The following DCLRE1C variants were observed in gnomAD, a reference collection of about 807,000 sequenced individuals.
The protein encoded by DCLRE1C is protein artemis.
A neutral mutation model predicts 61.4 loss-of-function variants in DCLRE1C; 47 were observed. That is an observed-to-expected ratio of 0.77 (90% CI 0.61 to 0.98). The LOEUF (loss-of-function observed/expected upper bound fraction) is 0.98, where lower values mean the gene tolerates loss of function less well. Ranked by LOEUF, DCLRE1C falls within the 50% of genes least tolerant of loss-of-function variation. The pLI is 0.00. For missense variants in DCLRE1C, 858 were observed against 816.0 expected (o/e 1.05, Z -0.63); for synonymous variants, 337 against 287.6 (o/e 1.17, Z -1.74).
intron 1 of DCLRE1C, among the ~76,000 whole-genome samples, chr10:14,953,633 CAGCAA>C (rs1468684705): frequency 2.6e-5 from 4 of 152,186 alleles, no homozygotes; most frequent in African/African-American, 9.6e-5. Context: ...CATCGGCCAC[CAGCAA>C]AGCTACCAAG....
rs757145020 is a variant in DCLRE1C at position 14,945,162 on chromosome 10, A to G, written c.189T>C (p.Pro63=). The part of the protein sequence containing the change: ...CSLKVYLYCS[P]VTKELLLTSP... ...TCGTTAACAACAACTCCTTAGTCAC[A>G]GGTGAACAGTATAGATAAACCTTCA... The change falls in exon 3 of 14, where the codon CCT becomes CCC. Residue 63 remains proline (P), a synonymous_variant. Coordinates refer to ENST00000378278, the MANE Select transcript of DCLRE1C (RefSeq NM_001033855.3). 5.0e-6 allele frequency: 8 copies of G among 1,613,152 alleles called. No individual in the cohort carries two copies. In the South Asian group the frequency reaches 6.6e-5, roughly 13 times the overall value.
chr10:14,949,927 C>A (rs2131180342), intron 1 of DCLRE1C, among the ~76,000 whole-genome samples: 1 of 152,258 alleles, frequency 6.6e-6, no homozygotes, highest in Non-Finnish European at 1.5e-5. Context: ...CCCCTATAAT[C>A]CCAGCTACTC....
intron 4 of DCLRE1C, among the ~76,000 whole-genome samples, 166 bp downstream of exon 4, chr10:14,939,644 A>G (rs950671930): frequency 1.3e-5 from 2 of 152,148 alleles, no homozygotes; most frequent in Non-Finnish European, 2.9e-5. Context: ...AACCCCACTC[A>G]ATGACTAGAT....
intron 12 of DCLRE1C, among the ~76,000 whole-genome samples, chr10:14,921,288 C>T (rs936177520): frequency 2.6e-5 from 4 of 152,004 alleles, no homozygotes; most frequent in African/African-American, 9.7e-5. Flanking sequence ...CCACTGCACT[C>T]CAACCTGGGT....
intron 1 of DCLRE1C, among the ~76,000 whole-genome samples, chr10:14,953,448 A>T (rs1842747124): frequency 6.6e-6 from 1 of 152,138 alleles, no homozygotes; most frequent in African/African-American, 2.4e-5. Flanking sequence ...CCAAAGGCCA[A>T]GGAGCTTGCA....
Position 14,909,268 on chromosome 10 carries a change from A to T in DCLRE1C, c.1219T>A (p.Tyr407Asn). The change falls in exon 14 of 14, where the codon TAC becomes AAC. Residue 407 changes from tyrosine to asparagine, a missense_variant. Physicochemically the swap from Tyr to Asn is moderately radical, Grantham distance 143. Coordinates refer to ENST00000378278, the MANE Select transcript of DCLRE1C (RefSeq NM_001033855.3). The part of the protein sequence containing the change: ...LPIPLRHKVP[Y>N]PETFHPEVFS... ...ACCTCAGGGTGAAAAGTTTCCGGGT[A>T]TGGAACTTTGTGCCTTAAAGGTATT... 2 of 1,613,878 alleles carry T rather than the reference A, an allele frequency of 1.2e-6. No homozygotes were observed. The highest frequency in any genetic ancestry group is 1.7e-6 in the Non-Finnish European group (2 of 1,179,966).
chr10:14,934,604 C>T, intron 7 of DCLRE1C, 84 bp from the exon 8 acceptor site: 1 of 1,613,394 alleles, frequency 6.2e-7, no homozygotes, highest in Non-Finnish European at 8.5e-7. Context: ...GTACTCACAC[C>T]TACGGGGACA....
In DCLRE1C at chr10:14,934,352, A is replaced by T. The variant is rs377106603; in HGVS notation, c.678+28T>A. On this transcript the variant is annotated intron_variant, in intron 8 of 13. Transcript: ENST00000378278. Reference sequence around the variant, plus strand: ...CAAAAAAAAAAAAAAAAGAAAAAAGAAAAGAAAAGAATGAACAGTCACCAT... The same window carrying T: ...CAAAAAAAAAAAAAAAAGAAAAAAGTAAAGAAAAGAATGAACAGTCACCAT... 62 of 1,602,200 alleles carry T rather than the reference A, an allele frequency of 3.9e-5. No individual in the cohort carries two copies. The Admixed American group carries it at 1.1e-3, about 27-fold the overall frequency.
chr10:14,929,548 A>G (rs1838626402), intron 9 of DCLRE1C, among the ~76,000 whole-genome samples: 1 of 150,988 alleles, frequency 6.6e-6, no homozygotes, highest in South Asian at 2.1e-4. Context: ...AGGCCGAGGC[A>G]GGAAGATCAC....
At chr10:14,902,160 CTAT>C (rs1834070573), downstream of DCLRE1C, among the ~76,000 whole-genome samples, 4 of 152,112 alleles carry the variant, frequency 2.6e-5, no homozygotes, top group Middle Eastern at 3.4e-3. Flanking sequence ...TAAAGTTTAC[CTAT>C]TATTAACCCA....
chr10:14,950,501 G>A (rs1046048533), intron 1 of DCLRE1C, among the ~76,000 whole-genome samples: 1 of 152,028 alleles, frequency 6.6e-6, no homozygotes, highest in African/African-American at 2.4e-5. Flanking sequence ...AGTGAAAGCA[G>A]AGCAGTCACC....
chr10:14,922,989 A>G lies in DCLRE1C; in HGVS notation c.1053T>C (p.Val351=), dbSNP rs758671214. The part of the protein sequence containing the change: ...VIPVGTTMDK[V]VEILKPLCRS... Reference sequence around the variant, plus strand: ...AACCAGTGACTACTCACATTTCGACAACTTTATCCATAGTTGTGCCAACTG... The same window carrying G: ...AACCAGTGACTACTCACATTTCGACGACTTTATCCATAGTTGTGCCAACTG... The change falls in exon 12 of 14, where the codon GTT becomes GTC. Residue 351 remains valine (V), a synonymous_variant. Coordinates refer to ENST00000378278, the MANE Select transcript of DCLRE1C (RefSeq NM_001033855.3). 6.2e-7 allele frequency: 1 copy of G among 1,613,884 alleles called. No individual in the cohort carries two copies. Among genetic ancestry groups the G allele is most frequent in the East Asian group, 2.2e-5 (1 of 44,882 alleles).
chr10:14,936,117 T>A (rs1839865139), intron 5 of DCLRE1C, among the ~76,000 whole-genome samples: 1 of 151,992 alleles, frequency 6.6e-6, no homozygotes, highest in Non-Finnish European at 1.5e-5. Context: ...TGGTCTTGAA[T>A]TCCTGGCCTC....
downstream of DCLRE1C, among the ~76,000 whole-genome samples, chr10:14,902,041 C>G (rs1335132320): frequency 2.0e-5 from 3 of 152,036 alleles, no homozygotes; most frequent in Non-Finnish European, 4.4e-5. Context: ...ATTGCTTAAC[C>G]TCTTACATAC....
chr10:14,926,380 G>T (rs752900751), intron 11 of DCLRE1C, among the ~76,000 whole-genome samples: 1 of 152,126 alleles, frequency 6.6e-6, no homozygotes, highest in Non-Finnish European at 1.5e-5. Context: ...ATGAAGCCAG[G>T]TGCAGTGACT....
At position 14,908,165 on chromosome 10, in the gene DCLRE1C, C is replaced by CTTTTTTTTTTTTTTT. The variant is rs750020058; in HGVS notation, c.*228_*242dup. The CTTTTTTTTTTTTTTT allele has an allele frequency of 1.7e-4, 34 of 197,848 alleles. 5 individuals carry two copies. The highest frequency in any genetic ancestry group is 5.2e-4 in the South Asian group (9 of 17,232). The allele number at this position is 197,848 out of a possible 1,614,324, so 12.3% of individuals were successfully genotyped here. On this transcript the variant is annotated 3_prime_UTR_variant, in exon 14 of 14. Coordinates refer to ENST00000378278, the MANE Select transcript of DCLRE1C (RefSeq NM_001033855.3). ...CAGAGTAGCCCACCACCATGCCTGG[C>CTTTTTTTTTTTTTTT]TTTTTTTTTTTTTTTTTTTTTTGTA...
rs904226548 is a variant in DCLRE1C at position 14,929,365 on chromosome 10, C to T, written c.781-1213G>A. Reference sequence around the variant, plus strand: ...ATTGCAGTGAGCCCAGATTGCGCCACTGCACTCCAGCCTGGGCAACGGAGC... The same window carrying T: ...ATTGCAGTGAGCCCAGATTGCGCCATTGCACTCCAGCCTGGGCAACGGAGC... On this transcript the variant is annotated intron_variant, in intron 9 of 13. Transcript: ENST00000378278. Among the ~76,000 whole-genome samples the T allele has an allele frequency of 2.6e-5, 4 of 151,684 alleles. No homozygotes were observed. The East Asian group carries it at 7.7e-4, about 29-fold the overall frequency.
chr10:14,951,373 G>A (rs1842425948), intron 1 of DCLRE1C, among the ~76,000 whole-genome samples: 1 of 102,292 alleles, frequency 9.8e-6, no homozygotes, highest in African/African-American at 3.6e-5. Context: ...CTGGGTGACA[G>A]AGCAAAACCC....
intron 13 of DCLRE1C, among the ~76,000 whole-genome samples, chr10:14,914,000 A>G (rs1835740426): frequency 6.6e-6 from 1 of 152,222 alleles, no homozygotes; most frequent in Admixed American, 6.5e-5. Flanking sequence ...GCCAAAAAAG[A>G]ATAAAGAACA....
Sources: gnomAD v4.1 joint callset for allele counts (sites outside exome capture counted in the v4.1 genomes callset) on GRCh38, gnomAD v4.1.1 for gene constraint, MANE v1.5 for transcripts, NCBI Gene and HGNC (gene_info 2026-07-23, HGNC 2026-07-21) for gene names.